The following EFNA5 variants were observed in gnomAD, a reference collection of about 807,000 sequenced individuals.
EFNA5 encodes the protein ephrin A5, also known as ephrin-A5.
A neutral mutation model predicts 22.9 loss-of-function variants in EFNA5; 5 were observed. The observed-to-expected ratio is 0.22, with a 90% CI of 0.11 to 0.46. The LOEUF is 0.46. Among genes scored for constraint, EFNA5 ranks in the 20% least tolerant of loss-of-function variants. The pLI, the probability that EFNA5 is intolerant of heterozygous loss-of-function variation, is 0.99. For missense variants in EFNA5, 237 were observed against 293.3 expected, an observed-to-expected ratio of 0.81 and a Z score of 1.40; for synonymous variants, 113 against 112.2, an observed-to-expected ratio of 1.01 and a Z score of -0.04.
intron 2 of EFNA5, among the ~76,000 whole-genome samples, chr5:107,409,381 G>A (rs1748302088): frequency 1.3e-5 from 2 of 152,172 alleles, no homozygotes; most frequent in South Asian, 4.1e-4. Context: ...AAGGGTGTAT[G>A]GGATGCAGCA....
intron 1 of EFNA5, among the ~76,000 whole-genome samples, chr5:107,573,699 C>T (rs1360977270): frequency 6.6e-6 from 1 of 152,080 alleles, no homozygotes; most frequent in Non-Finnish European, 1.5e-5. Flanking sequence ...ACGTGGGTTT[C>T]CATGCTATGG....
chr5:107,622,751 G>A (rs1167511444), intron 1 of EFNA5, among the ~76,000 whole-genome samples: 1 of 152,048 alleles, frequency 6.6e-6, no homozygotes, highest in Admixed American at 6.5e-5. Context: ...GCCGGGCGCG[G>A]TGGCTCACGC....
At chr5:107,655,422 T>C (rs1195429256) in intron 1 of EFNA5, among the ~76,000 whole-genome samples, 5 of 152,168 alleles carry the variant, frequency 3.3e-5, no homozygotes, top group African/African-American at 1.2e-4. Context: ...GCTGTACTTT[T>C]AAGAGAAATC....
intron 2 of EFNA5, among the ~76,000 whole-genome samples, chr5:107,389,063 G>T (rs1401641954): frequency 1.3e-5 from 2 of 152,172 alleles, no homozygotes; most frequent in Non-Finnish European, 2.9e-5. Flanking sequence ...AGGGTCCCCA[G>T]TGTCCCTATT....
intron 1 of EFNA5, among the ~76,000 whole-genome samples, chr5:107,591,327 T>C (rs1417585270): frequency 6.6e-6 from 1 of 152,092 alleles, no homozygotes; most frequent in African/African-American, 2.4e-5. Flanking sequence ...CATATTAACA[T>C]TCATGCCCAG....
chr5:107,426,529 G>A (rs1748813949), intron 2 of EFNA5, among the ~76,000 whole-genome samples: 3 of 152,240 alleles, frequency 2.0e-5, no homozygotes, highest in Non-Finnish European at 4.4e-5. Context: ...GTATGAAGAA[G>A]TGATGGGTAT....
intron 1 of EFNA5, among the ~76,000 whole-genome samples, chr5:107,539,278 C>T (rs750278551): frequency 3.0e-4 from 46 of 152,300 alleles, no homozygotes; most frequent in Admixed American, 3.3e-4. Context: ...AGGGCTGCTC[C>T]GAGCCCTGTA....
chr5:107,649,629 C>T (rs1014156074), intron 1 of EFNA5, among the ~76,000 whole-genome samples: 3 of 152,056 alleles, frequency 2.0e-5, no homozygotes, highest in African/African-American at 7.3e-5. Context: ...AGAAAAGAGG[C>T]AGCATTTGAT....
intron 1 of EFNA5, among the ~76,000 whole-genome samples, chr5:107,633,466 C>T (rs1027739871): frequency 6.6e-6 from 1 of 152,236 alleles, no homozygotes; most frequent in African/African-American, 2.4e-5. Flanking sequence ...CTCTGCATTG[C>T]CCTCACTGCC....
chr5:107,536,921 A>G (rs1747941782), intron 1 of EFNA5, among the ~76,000 whole-genome samples: 1 of 151,950 alleles, frequency 6.6e-6, no homozygotes, highest in African/African-American at 2.4e-5. Flanking sequence ...CCTGACTAAT[A>G]TGGTGAAACC....
At chr5:107,512,809 A>C (rs1747399285) in intron 1 of EFNA5, among the ~76,000 whole-genome samples, 1 of 152,176 alleles carries the variant, frequency 6.6e-6, no homozygotes, top group Non-Finnish European at 1.5e-5. Flanking sequence ...GCACTACCTC[A>C]CCATGGGTTG....
At chr5:107,538,912 C>T (rs1017117328) in intron 1 of EFNA5, among the ~76,000 whole-genome samples, 1 of 152,166 alleles carries the variant, frequency 6.6e-6, no homozygotes. Flanking sequence ...GTCAAGGCTG[C>T]CTTGCTTTGA....
intron 1 of EFNA5, among the ~76,000 whole-genome samples, chr5:107,629,280 A>G (rs1427440471): frequency 6.6e-6 from 1 of 152,206 alleles, no homozygotes. Flanking sequence ...GCAATTACCC[A>G]AGGAGAAAAA....
intron 2 of EFNA5, among the ~76,000 whole-genome samples, chr5:107,409,942 C>G (rs1192750329): frequency 6.6e-6 from 1 of 151,830 alleles, no homozygotes; most frequent in Non-Finnish European, 1.5e-5. Context: ...AAATGGGACT[C>G]CAGAAAGATG....
chr5:107,382,573 T>A (rs1413982338), intron 4 of EFNA5, among the ~76,000 whole-genome samples: 1 of 151,988 alleles, frequency 6.6e-6, no homozygotes, highest in African/African-American at 2.4e-5. Flanking sequence ...GGGTTTTCCT[T>A]TGCTTCCCAG....
intron 1 of EFNA5, among the ~76,000 whole-genome samples, chr5:107,580,216 A>T (rs1301071056): frequency 6.6e-6 from 1 of 152,238 alleles, no homozygotes; most frequent in Non-Finnish European, 1.5e-5. Context: ...ACAAGACCTT[A>T]TGAACACTGA....
intron 1 of EFNA5, among the ~76,000 whole-genome samples, chr5:107,494,417 C>G (rs1185401063): frequency 6.6e-6 from 1 of 152,214 alleles, no homozygotes; most frequent in Non-Finnish European, 1.5e-5. Context: ...GTACTGGGTG[C>G]CCCAGCAGCG....
intron 1 of EFNA5, among the ~76,000 whole-genome samples, chr5:107,638,202 T>C (rs1750427258): frequency 6.6e-6 from 1 of 152,068 alleles, no homozygotes; most frequent in Non-Finnish European, 1.5e-5. Flanking sequence ...CTTCTAATCA[T>C]AGATAACCTA....
At chr5:107,478,946 A>G (rs1308116755) in intron 1 of EFNA5, among the ~76,000 whole-genome samples, 1 of 152,204 alleles carries the variant, frequency 6.6e-6, no homozygotes, top group Admixed American at 6.5e-5. Flanking sequence ...TCAGGAAAGT[A>G]TACTATACCA....
Sources: gnomAD v4.1 joint callset for allele counts (sites outside exome capture counted in the v4.1 genomes callset) on GRCh38, gnomAD v4.1.1 for gene constraint, MANE v1.5 for transcripts, NCBI Gene and HGNC (gene_info 2026-07-23, HGNC 2026-07-21) for gene names.